The following PTK2B variants were observed in gnomAD, a reference collection of about 807,000 sequenced individuals.
The protein encoded by PTK2B is protein tyrosine kinase 2 beta.
A neutral mutation model predicts 142.9 loss-of-function variants in PTK2B; 71 were observed. That is an observed-to-expected ratio of 0.50 (90% CI 0.41 to 0.61). PTK2B has a LOEUF of 0.61. Ranked by LOEUF, PTK2B falls within the 20% of genes least tolerant of loss-of-function variation. The probability of loss-of-function intolerance (pLI) is 0.00; values close to 1 mark genes in which losing one functional copy is unlikely to be tolerated. For synonymous variants in PTK2B, 519 were observed against 503.4 expected (o/e 1.03, Z -0.42); for missense variants, 1,105 against 1,320.4 (o/e 0.84, Z 2.53).
intron 1 of PTK2B, among the ~76,000 whole-genome samples, chr8:27,346,707 TA>T (rs368505982): frequency 1.1e-3 from 173 of 152,336 alleles, no homozygotes; most frequent in African/African-American, 3.8e-3. Context: ...GGCAGACCAC[TA>T]AAAGTCATCC....
At chr8:27,407,729 T>C (rs1808809674) in intron 2 of PTK2B, among the ~76,000 whole-genome samples, 4 of 152,178 alleles carry the variant, frequency 2.6e-5, no homozygotes, top group African/African-American at 9.6e-5. Context: ...AGCTCACATC[T>C]TCATGTCTTA....
intron 5 of PTK2B, among the ~76,000 whole-genome samples, chr8:27,425,601 T>C (rs1187345889): frequency 2.0e-5 from 3 of 152,148 alleles, no homozygotes; most frequent in South Asian, 2.1e-4. Flanking sequence ...TTTGTTACAA[T>C]TGATGAGCCT....
rs2132531595 is a variant in PTK2B, at chr8:27,454,622, C to T, written c.2814+11C>T. On this transcript the variant is annotated intron_variant, in intron 30 of 30. Coordinates refer to ENST00000346049, the MANE Select transcript of PTK2B (RefSeq NM_173176.3). The stretch of plus-strand genomic sequence containing the variant: ...TCTTCACGGACAGAGGTGAGCGTCC[C>T]ATTCCAGACAGCACCATAGGCTGTT... The T allele has an allele frequency of 3.7e-6, 6 of 1,612,092 alleles. No individual in the cohort carries two copies. In the East Asian group the frequency reaches 1.1e-4, roughly 30 times the overall value.
chr8:27,311,155 G>C (rs749053287), upstream of PTK2B: 18 of 1,607,132 alleles, frequency 1.1e-5, no homozygotes, highest in Non-Finnish European at 1.4e-5. Context: ...CGTCGCGGAA[G>C]GGGTCGTAGC....
chr8:27,390,063 G>T (rs552573345), intron 1 of PTK2B, among the ~76,000 whole-genome samples: 1 of 152,196 alleles, frequency 6.6e-6, no homozygotes, highest in Admixed American at 6.5e-5. Flanking sequence ...TGTGTGTCTC[G>T]TGACATTGTG....
chr8:27,433,372 C>A, intron 10 of PTK2B, 63 bp from the exon 11 acceptor site: 1 of 1,420,264 alleles, frequency 7.0e-7, no homozygotes, highest in Non-Finnish European at 9.9e-7. Context: ...TCTTCTCCAG[C>A]CCTGGGGGTG....
chr8:27,333,215 G>A lies in PTK2B; in HGVS notation c.-38+7534G>A, dbSNP rs138160849. On this transcript the variant is annotated intron_variant, in intron 1 of 30. Coordinates refer to ENST00000346049, the MANE Select transcript of PTK2B (RefSeq NM_173176.3). ...AGGTGTGGTTTGAGTGACTCATTTTGGGTGGAACCAAGAGTGGCAAAAGGC... is the reference window on the plus strand; with the variant it reads ...AGGTGTGGTTTGAGTGACTCATTTTAGGTGGAACCAAGAGTGGCAAAAGGC... Among the ~76,000 whole-genome samples the A allele has an allele frequency of 2.2e-3, 334 of 152,304 alleles. 2 individuals are homozygous for A. The highest frequency in any genetic ancestry group is 3.6e-3 in the Non-Finnish European group (247 of 68,012).
intron 29 of PTK2B, 38 bp downstream of exon 29, chr8:27,454,329 C>T: frequency 1.3e-6 from 2 of 1,599,030 alleles, no homozygotes; most frequent in Non-Finnish European, 1.7e-6. Context: ...GGAGGCGGCT[C>T]AAGTCCGCCC....
chr8:27,443,818 G>T (rs1449008754), intron 22 of PTK2B, among the ~76,000 whole-genome samples: 1 of 152,092 alleles, frequency 6.6e-6, no homozygotes, highest in Non-Finnish European at 1.5e-5. Flanking sequence ...CCTCCCCGCG[G>T]GCCTGGCTCA....
At position 27,430,011 on chromosome 8, in the gene PTK2B, C is replaced by A. The variant is rs370595060; in HGVS notation, c.552-82C>A. ...TCCCACGTATGGCAGGGGAAGGGGGCTTCTGGTGGCATGAGGTGCCCTGGG... is the reference window on the plus strand; with the variant it reads ...TCCCACGTATGGCAGGGGAAGGGGGATTCTGGTGGCATGAGGTGCCCTGGG... On this transcript the variant is annotated intron_variant, in intron 5 of 30. Transcript: ENST00000346049. The A allele has an allele frequency of 9.0e-5, 114 of 1,271,020 alleles. 1 individual carries two copies. In the South Asian group the frequency reaches 9.9e-4, roughly 11 times the overall value. The allele number at this position is 1,271,020 out of a possible 1,614,324, so 78.7% of individuals were successfully genotyped here.
chr8:27,436,853 G>A (rs1387456502), intron 15 of PTK2B, among the ~76,000 whole-genome samples: 1 of 152,220 alleles, frequency 6.6e-6, no homozygotes, highest in Non-Finnish European at 1.5e-5. Context: ...AGGTCACACG[G>A]CCCCTCAGTC....
chr8:27,454,595 C>G lies in PTK2B; in HGVS notation c.2798C>G (p.Ser933Ter). 1 of 1,614,150 alleles carries G rather than the reference C, an allele frequency of 6.2e-7. No homozygotes were observed. The highest frequency in any genetic ancestry group is 8.5e-7 in the Non-Finnish European group (1 of 1,179,982). The change falls in exon 30 of 31, where the codon TCA becomes TGA. Residue 933 changes from serine (S) to a stop codon, truncating the protein, a stop_gained. Transcript: ENST00000346049. LOFTEE classifies it high-confidence loss of function. ...SVDDLLPSLP[S>*]SSRTEIEGTQ... ...GATGATCTCCTGCCTTCCTTGCCGTCATCTTCACGGACAGAGGTGAGCGTC... is the reference window on the plus strand; with the variant it reads ...GATGATCTCCTGCCTTCCTTGCCGTGATCTTCACGGACAGAGGTGAGCGTC...
At chr8:27,311,075 G>T, upstream of PTK2B, 1 of 1,596,492 alleles carries the variant, frequency 6.3e-7, no homozygotes, top group Non-Finnish European at 8.5e-7. Context: ...GCAGGTGGGC[G>T]ACACCTGCAC....
In PTK2B at chr8:27,373,377, G is replaced by A. The variant is rs567338094; in HGVS notation, c.-37-24171G>A. Among the ~76,000 whole-genome samples, 175 of 152,314 alleles carry A rather than the reference G, an allele frequency of 1.1e-3. 1 individual carries two copies. Among genetic ancestry groups the A allele is most frequent in the Admixed American group, 2.9e-3 (44 of 15,304 alleles). On this transcript the variant is annotated intron_variant, in intron 1 of 30. Coordinates refer to ENST00000346049, the MANE Select transcript of PTK2B (RefSeq NM_173176.3). ...GTCTTCACATAGTTCTTTGCCTGGG[G>A]AGGGGACTTGGGTAGTGGTGGGAAA...
intron 28 of PTK2B, 95 bp from the exon 29 acceptor site, chr8:27,454,059 T>G (rs866815800): frequency 6.6e-7 from 1 of 1,505,236 alleles, no homozygotes; most frequent in Middle Eastern, 1.7e-4. Context: ...ATCGGGCTGG[T>G]GGTGGAGTTG....
intron 1 of PTK2B, among the ~76,000 whole-genome samples, chr8:27,346,800 A>G (rs1267886056): frequency 3.9e-5 from 6 of 152,166 alleles, no homozygotes; most frequent in African/African-American, 1.2e-4. Context: ...CCTCATTCCA[A>G]TTGTTGGATA....
intron 1 of PTK2B, among the ~76,000 whole-genome samples, chr8:27,330,663 ACT>A (rs1027782801): frequency 7.2e-5 from 11 of 152,110 alleles, no homozygotes; most frequent in Middle Eastern, 6.8e-3. Flanking sequence ...TTTTTGAGTC[ACT>A]CTGCTATTTC....
intron 5 of PTK2B, among the ~76,000 whole-genome samples, chr8:27,425,082 C>T (rs985009860): frequency 1.7e-5 from 2 of 120,850 alleles, no homozygotes; most frequent in African/African-American, 6.8e-5. Flanking sequence ...CTATAAAACA[C>T]GTTATGTTTC....
intron 27 of PTK2B, chr8:27,451,781 G>C: frequency 7.6e-7 from 1 of 1,317,140 alleles, no homozygotes; most frequent in Non-Finnish European, 9.7e-7. Flanking sequence ...GCATTAGTTT[G>C]GAGGAGCTGG....
Sources: gnomAD v4.1 joint callset for allele counts (sites outside exome capture counted in the v4.1 genomes callset) on GRCh38, gnomAD v4.1.1 for gene constraint, MANE v1.5 for transcripts, NCBI Gene and HGNC (gene_info 2026-07-23, HGNC 2026-07-21) for gene names.